MACO1: variants seen among roughly 807,000 people sequenced by gnomAD.
MACO1 encodes macoilin.
In MACO1, 14 loss-of-function variants were observed where a neutral mutation model predicts 78.7. The ratio of observed to expected loss-of-function variants is 0.18; its 90% CI spans 0.12 to 0.28. The LOEUF is 0.28. Ranked by LOEUF, MACO1 falls within the 10% of genes least tolerant of loss-of-function variation. The probability of loss-of-function intolerance (pLI) is 1.00; values close to 1 mark genes in which losing one functional copy is unlikely to be tolerated. For missense variants in MACO1, 501 were observed against 799.0 expected, an observed-to-expected ratio of 0.63 and a Z score of 4.50; for synonymous variants, 288 against 291.6, an observed-to-expected ratio of 0.99 and a Z score of 0.12.
At chr1:25,460,362 C>G (rs941567338) in intron 6 of MACO1, among the ~76,000 whole-genome samples, 1 of 151,888 alleles carries the variant, frequency 6.6e-6, no homozygotes, top group Non-Finnish European at 1.5e-5. Flanking sequence ...ATGCTATACA[C>G]AAAACATCTG....
Position 25,499,501 on chromosome 1 carries a change from A to T in MACO1, c.*1035A>T, listed in dbSNP as rs1435755114. 7.4e-6 allele frequency: 1 copy of T among 135,082 alleles called. No individual in the cohort carries two copies. Among genetic ancestry groups the T allele is most frequent in the East Asian group, 2.1e-4 (1 of 4,736 alleles). 8.4% of individuals were successfully genotyped at this position (135,082 alleles called of 1,614,324 possible). A position where few individuals can be genotyped will look rare whatever the true frequency, so the allele number is the denominator to read the frequency against. On this transcript the variant is annotated 3_prime_UTR_variant, in exon 11 of 11. Transcript: ENST00000374343. ...AACTGTGCTTTCTCCACTTTTCATC[A>T]TTTTGTGTTTGATGATTTAAAAGAA...
In MACO1 at chr1:25,449,496, A is replaced by G. The variant is rs750161163; in HGVS notation, c.349+562A>G. On this transcript the variant is annotated intron_variant, in intron 3 of 10. Coordinates refer to ENST00000374343, the MANE Select transcript of MACO1 (RefSeq NM_018202.6). ...TTTCTTCCTTAAATTTTGACCCAGT[A>G]TGTCTTCACTGTTTTTGGGCTCGTT... is the stretch of plus-strand genomic sequence containing the variant. Among the ~76,000 whole-genome samples the G allele has an allele frequency of 1.1e-4, 17 of 152,222 alleles. No individual in the cohort carries two copies. The South Asian group carries it at 3.3e-3, about 30-fold the overall frequency.
intron 2 of MACO1, among the ~76,000 whole-genome samples, chr1:25,447,446 T>C (rs549812712): frequency 2.0e-5 from 3 of 152,348 alleles, no homozygotes; most frequent in Admixed American, 6.5e-5. Context: ...TACACACTTA[T>C]TAATGCACTT....
intron 10 of MACO1, 82 bp downstream of exon 10, chr1:25,491,666 TCAACCAA>T: frequency 8.1e-7 from 1 of 1,228,864 alleles, no homozygotes; most frequent in Non-Finnish European, 1.2e-6. Context: ...CTGAGAGCTC[TCAACCAA>T]GGGGCATTTC....
At chr1:25,477,971 C>T (rs1306717638) in intron 6 of MACO1, among the ~76,000 whole-genome samples, 2 of 152,162 alleles carry the variant, frequency 1.3e-5, no homozygotes, top group African/African-American at 2.4e-5. Context: ...TTCAGCTGGG[C>T]GTGGTGGCTC....
intron 6 of MACO1, among the ~76,000 whole-genome samples, chr1:25,465,344 A>G (rs765352354): frequency 5.3e-5 from 8 of 152,234 alleles, no homozygotes; most frequent in African/African-American, 1.7e-4. Context: ...GCTGGATCAT[A>G]GAGTATGTTT....
At chr1:25,475,486 A>G (rs2043314046) in intron 6 of MACO1, among the ~76,000 whole-genome samples, 1 of 150,606 alleles carries the variant, frequency 6.6e-6, no homozygotes, top group African/African-American at 2.4e-5. Context: ...CCGAGGTGGG[A>G]GGATCACTTG....
intron 6 of MACO1, among the ~76,000 whole-genome samples, chr1:25,470,124 G>T (rs1020350147): frequency 1.3e-5 from 2 of 152,188 alleles, no homozygotes; most frequent in African/African-American, 4.8e-5. Flanking sequence ...GATTCAATAT[G>T]ATTTGGTGTG....
At chr1:25,433,859 T>C (rs2042897365) in intron 1 of MACO1, among the ~76,000 whole-genome samples, 1 of 152,262 alleles carries the variant, frequency 6.6e-6, no homozygotes, top group Admixed American at 6.5e-5. Context: ...ATGTTGTTGC[T>C]ATCACAGTTT....
intron 3 of MACO1, 81 bp downstream of exon 3, chr1:25,449,015 T>C (rs2043040787): frequency 7.8e-7 from 1 of 1,284,850 alleles, no homozygotes; most frequent in African/African-American, 1.5e-5. Flanking sequence ...AATACATTAT[T>C]TAGAGTTGAG....
At position 25,498,452 on chromosome 1, in the gene MACO1, C is replaced by A; in HGVS notation, c.1981C>A (p.Pro661Thr). ...GLDPNASVYQ[P>T]LKK ...TGACCCCAATGCCTCTGTTTACCAG[C>A]CCCTGAAGAAATGAAGGCCAGCTGT... Residue 661 changes from proline to threonine, a missense_variant, in exon 11 of 11, where the codon CCC (proline) becomes ACC (threonine). Pro to Thr is a conservative substitution (Grantham distance 38, BLOSUM62 -1). Around this residue, in one of 5 missense-constraint regions of MACO1, gnomAD observed 66 missense variants for 101.6 expected, o/e 0.65. Transcript: ENST00000374343. 1.2e-6 allele frequency: 2 copies of A among 1,609,370 alleles called. No homozygotes were observed. The highest frequency in any genetic ancestry group is 8.5e-7 in the Non-Finnish European group (1 of 1,178,358).
At chr1:25,450,059 T>C (rs893521432) in intron 3 of MACO1, among the ~76,000 whole-genome samples, 20 of 151,928 alleles carry the variant, frequency 1.3e-4, no homozygotes, top group Admixed American at 3.3e-4. Context: ...AAAAAAATAT[T>C]AAGGGCCCTA....
chr1:25,462,796 G>C (rs2043183071), intron 6 of MACO1, among the ~76,000 whole-genome samples: 1 of 151,530 alleles, frequency 6.6e-6, no homozygotes. Flanking sequence ...AAAAGGGCGG[G>C]CAGTCTGGCA....
chr1:25,484,239 C>T lies in MACO1; in HGVS notation c.1278C>T (p.Gly426=). The T allele has an allele frequency of 6.2e-7, 1 of 1,613,054 alleles. No individual in the cohort carries two copies. Among genetic ancestry groups the T allele is most frequent in the Non-Finnish European group, 8.5e-7 (1 of 1,179,758 alleles). ...AGCGAGGGATCCGCTCAGAAATGGG[C>T]CAGCTTCGGCAGGAGAACGAGCTGC... The part of the protein sequence containing the change: ...STERGIRSEM[G]QLRQENELLQ... Residue 426 remains glycine (G), a synonymous_variant, in exon 7 of 11, where the codon GGC becomes GGT. Coordinates refer to ENST00000374343, the MANE Select transcript of MACO1 (RefSeq NM_018202.6).
intron 5 of MACO1, among the ~76,000 whole-genome samples, chr1:25,457,437 T>A (rs956438759): frequency 6.6e-6 from 1 of 152,136 alleles, no homozygotes; most frequent in African/African-American, 2.4e-5. Context: ...AAAATATATA[T>A]TCTCAGCAAC....
chr1:25,496,141 C>CT (rs1027074549), intron 10 of MACO1, among the ~76,000 whole-genome samples: 118 of 146,894 alleles, frequency 8.0e-4, no homozygotes, highest in Admixed American at 1.1e-3. Context: ...TTTTTGTGGG[C>CT]TTTTTTTTTT....
intron 10 of MACO1, among the ~76,000 whole-genome samples, chr1:25,496,701 G>GA (rs563266090): frequency 0.052 from 7,505 of 144,246 alleles, 525 homozygotes; most frequent in African/African-American, 0.16. Flanking sequence ...GCTAACAATG[G>GA]AAAAAAAAAA....
intron 6 of MACO1, among the ~76,000 whole-genome samples, chr1:25,480,928 AAATATATATAT>A (rs1452372041): frequency 1.1e-3 from 29 of 26,896 alleles, no homozygotes; most frequent in African/African-American, 3.1e-3. Flanking sequence ...AAAAAAAAAA[AAATATATATAT>A]ATATATATAT....
At chr1:25,444,320 G>C (rs2042997509) in intron 1 of MACO1, among the ~76,000 whole-genome samples, 1 of 150,108 alleles carries the variant, frequency 6.7e-6, no homozygotes, top group Non-Finnish European at 1.5e-5. Flanking sequence ...GGCTGGACTT[G>C]AACCCCTGGG....
Sources: gnomAD v4.1 joint callset for allele counts (sites outside exome capture counted in the v4.1 genomes callset) on GRCh38, gnomAD v4.1.1 for gene constraint, gnomAD v4.1.1 regional missense constraint, MANE v1.5 for transcripts, NCBI Gene and HGNC (gene_info 2026-07-23, HGNC 2026-07-21) for gene names.